MICU3: variants seen among roughly 807,000 people sequenced by gnomAD.
MICU3 encodes mitochondrial calcium uptake 3.
Under a neutral mutation model 66.5 loss-of-function variants are expected in MICU3, and 62 were observed. The ratio of observed to expected loss-of-function variants is 0.93; its 90% CI spans 0.76 to 1.15. MICU3 has a LOEUF of 1.15. Among genes scored for constraint, MICU3 ranks in the 50% most tolerant of loss-of-function variants. The probability of loss-of-function intolerance (pLI) is 0.00; values close to 1 mark genes in which losing one functional copy is unlikely to be tolerated. For missense variants in MICU3, 779 were observed against 664.4 expected, an observed-to-expected ratio of 1.17 and a Z score of -1.90; for synonymous variants, 308 against 240.7, an observed-to-expected ratio of 1.28 and a Z score of -2.59.
At chr8:17,085,890 C>G (rs1799418604) in intron 6 of MICU3, among the ~76,000 whole-genome samples, 1 of 152,142 alleles carries the variant, frequency 6.6e-6, no homozygotes, top group Non-Finnish European at 1.5e-5. Context: ...GCTCACTCAA[C>G]TTCACATACC....
At chr8:17,125,514 A>G (rs1211575721), downstream of MICU3, among the ~76,000 whole-genome samples, 1 of 152,072 alleles carries the variant, frequency 6.6e-6, no homozygotes, top group Admixed American at 6.6e-5. Flanking sequence ...CTTTTGACTG[A>G]TGGATTTTAT....
chr8:17,063,652 C>G (rs1818217413), intron 1 of MICU3, among the ~76,000 whole-genome samples: 1 of 151,992 alleles, frequency 6.6e-6, no homozygotes, highest in African/African-American at 2.4e-5. Flanking sequence ...TGGGATTTTA[C>G]TTTATTCTTT....
chr8:17,128,967 G>C, the MICU3 span, among the ~76,000 whole-genome samples: 1 of 152,158 alleles, frequency 6.6e-6, no homozygotes, highest in African/African-American at 2.4e-5. Flanking sequence ...GCAGAAAACA[G>C]TCACTGGAGG....
chr8:17,044,110 C>G (rs78699125), intron 1 of MICU3, among the ~76,000 whole-genome samples: 2 of 152,090 alleles, frequency 1.3e-5, no homozygotes, highest in African/African-American at 4.8e-5. Context: ...TGTCTTTGTT[C>G]CTATACCCAC....
At chr8:17,078,561 C>A (rs577277449) in intron 4 of MICU3, among the ~76,000 whole-genome samples, 1 of 151,384 alleles carries the variant, frequency 6.6e-6, no homozygotes, top group African/African-American at 2.4e-5. Flanking sequence ...TTTTTGTATC[C>A]TCAAATACAG....
rs769762241 is a variant in MICU3 at position 17,104,503 on chromosome 8, T to A, written c.1085+12T>A. On this transcript the variant is annotated intron_variant, in intron 10 of 14. Transcript: ENST00000318063. ...GAAGATTTTTATAGGTGAGCTTATTTTTATATTTTTATTAAAAATTATTAG... is the reference window on the plus strand; with the variant it reads ...GAAGATTTTTATAGGTGAGCTTATTATTATATTTTTATTAAAAATTATTAG... The A allele has an allele frequency of 3.6e-5, 48 of 1,320,762 alleles. No homozygotes were observed. Among genetic ancestry groups the A allele is most frequent in the Non-Finnish European group, 4.8e-5 (47 of 977,292 alleles). 81.8% of individuals were successfully genotyped at this position (1,320,762 alleles called of 1,614,324 possible).
the MICU3 span, among the ~76,000 whole-genome samples, chr8:17,135,520 C>T: frequency 2.0e-5 from 3 of 152,090 alleles, no homozygotes; most frequent in African/African-American, 7.2e-5. Context: ...GAAAGTTTTT[C>T]AATTGATTCT....
chr8:17,057,907 G>C (rs1817198970), intron 1 of MICU3, among the ~76,000 whole-genome samples: 1 of 151,968 alleles, frequency 6.6e-6, no homozygotes, highest in Non-Finnish European at 1.5e-5. Flanking sequence ...GAGTGCAATG[G>C]TGTGTTCTCA....
chr8:17,033,841 C>G (rs1365475564), intron 1 of MICU3, among the ~76,000 whole-genome samples: 1 of 152,100 alleles, frequency 6.6e-6, no homozygotes, highest in Non-Finnish European at 1.5e-5. Flanking sequence ...GAAGCCTTCT[C>G]CATAACATAA....
chr8:17,054,738 CTTTTTT>C (rs559605289), intron 1 of MICU3, among the ~76,000 whole-genome samples: 3 of 122,772 alleles, frequency 2.4e-5, no homozygotes, highest in African/African-American at 3.2e-5. Flanking sequence ...TTCTTTCTTT[CTTTTTT>C]TTTTTTTTTT....
Position 17,081,682 on chromosome 8 carries a change from T to C in MICU3, c.647-11T>C, listed in dbSNP as rs939723361. 4 of 828,420 alleles carry C rather than the reference T, an allele frequency of 4.8e-6. No individual in the cohort carries two copies. The African/African-American group carries it at 7.1e-5, about 15-fold the overall frequency. 51.3% of individuals were successfully genotyped at this position (828,420 alleles called of 1,614,324 possible). A position where few individuals can be genotyped will look rare whatever the true frequency, so the allele number is the denominator to read the frequency against. ...ATTTTATATATATAACTGATACTAT[T>C]TTTCTTGTAGGTGTGATTTCTTACA... On this transcript the variant is annotated splice_polypyrimidine_tract_variant and intron_variant, in intron 4 of 14. Coordinates refer to ENST00000318063, the MANE Select transcript of MICU3 (RefSeq NM_181723.3).
In MICU3 at chr8:17,028,477, A is replaced by G. The variant is rs1057413807; in HGVS notation, c.381+817A>G. ...TTTTTGTCGCATCAGTATATTTAAT[A>G]GTCATGTAAATGACTAGGAAAATTA... On this transcript the variant is annotated intron_variant, in intron 1 of 14. Coordinates refer to ENST00000318063, the MANE Select transcript of MICU3 (RefSeq NM_181723.3). Among the ~76,000 whole-genome samples, 3 of 152,270 alleles carry G rather than the reference A, an allele frequency of 2.0e-5. No homozygotes were observed. The South Asian group carries it at 6.2e-4, about 32-fold the overall frequency.
chr8:17,070,910 C>T (rs1002554892), intron 3 of MICU3, among the ~76,000 whole-genome samples: 1 of 152,062 alleles, frequency 6.6e-6, no homozygotes, highest in African/African-American at 2.4e-5. Flanking sequence ...AAGTGCCTAA[C>T]AGGTGGGTAG....
At chr8:17,037,923 G>A (rs531787998) in intron 1 of MICU3, among the ~76,000 whole-genome samples, 1 of 152,292 alleles carries the variant, frequency 6.6e-6, no homozygotes, top group East Asian at 1.9e-4. Flanking sequence ...TTTTGGACTG[G>A]CATGGGACTG....
intron 8 of MICU3, 160 bp downstream of exon 8, chr8:17,090,744 C>G (rs1170422024): frequency 1.8e-5 from 9 of 489,496 alleles, no homozygotes; most frequent in Non-Finnish European, 3.2e-5. Context: ...TGTTACATTT[C>G]ATTCCTAGAT....
intron 1 of MICU3, among the ~76,000 whole-genome samples, chr8:17,049,905 C>T (rs538548261): frequency 3.4e-4 from 52 of 152,180 alleles, no homozygotes; most frequent in Middle Eastern, 6.8e-3. Flanking sequence ...TTTTTTTACT[C>T]ATTTTTCTAC....
Position 17,077,803 on chromosome 8 carries a change from A to G in MICU3, c.588A>G (p.Ala196=), listed in dbSNP as rs775149413. 5 of 1,611,618 alleles carry G rather than the reference A, an allele frequency of 3.1e-6. No individual in the cohort carries two copies. The East Asian group carries it at 8.9e-5, about 29-fold the overall frequency. Residue 196 remains alanine (A), a synonymous_variant, in exon 4 of 15, where the codon GCA becomes GCG. Coordinates refer to ENST00000318063, the MANE Select transcript of MICU3 (RefSeq NM_181723.3). ...LSKQELNQML[A]ETPPVWKGSS... is the part of the protein sequence containing the mutation. ...CATAGGAATTAAATCAAATGCTCGC[A>G]GAAACACCACCAGTTTGGAAAGGCT... is the stretch of plus-strand genomic sequence containing the variant.
chr8:17,087,373 A>G (rs1482979200), intron 7 of MICU3, among the ~76,000 whole-genome samples: 1 of 152,092 alleles, frequency 6.6e-6, no homozygotes, highest in Non-Finnish European at 1.5e-5. Flanking sequence ...TTTAATTATA[A>G]TGTGAGAGAA....
At chr8:17,046,658 C>A (rs1318659703) in intron 1 of MICU3, among the ~76,000 whole-genome samples, 1 of 151,958 alleles carries the variant, frequency 6.6e-6, no homozygotes. Flanking sequence ...GACTTTAGTG[C>A]TCATGTGGGG....
Sources: allele counts gnomAD v4.1 joint callset (sites outside exome capture counted in the v4.1 genomes callset), GRCh38; gene constraint gnomAD v4.1.1; transcripts MANE v1.5; gene names NCBI Gene and HGNC (gene_info 2026-07-23, HGNC 2026-07-21).